The following ANTXR2 variants were observed in gnomAD, a reference collection of about 807,000 sequenced individuals.
ANTXR2 encodes the protein anthrax toxin receptor 2.
In ANTXR2, 44 loss-of-function variants were observed where a neutral mutation model predicts 73.7. That is an observed-to-expected ratio of 0.60 (90% CI 0.47 to 0.77). The LOEUF (loss-of-function observed/expected upper bound fraction) is 0.77, where lower values mean the gene tolerates loss of function less well. Ranked by LOEUF, ANTXR2 falls within the 30% of genes least tolerant of loss-of-function variation. ANTXR2 has a pLI of 0.00. For synonymous variants in ANTXR2, 217 were observed against 205.9 expected (o/e 1.05, Z -0.46); for missense variants, 604 against 592.5 (o/e 1.02, Z -0.20).
At chr4:80,071,459 G>T (rs1040189399) in intron 2 of ANTXR2, 124 bp downstream of exon 2, 90 of 768,692 alleles carry the variant, frequency 1.2e-4, no homozygotes, top group Non-Finnish European at 1.7e-4. Context: ...TGTGCAATAC[G>T]ACCTTGAGGC....
intron 16 of ANTXR2, among the ~76,000 whole-genome samples, chr4:79,907,764 A>T (rs1726977669): frequency 6.6e-6 from 1 of 152,200 alleles, no homozygotes; most frequent in Non-Finnish European, 1.5e-5. Context: ...CCATAAAAAT[A>T]TCAAAGCCAC....
In ANTXR2 at chr4:79,902,629, A is replaced by C. The variant is rs1726749813; in HGVS notation, c.*4800T>G. On this transcript the variant is annotated 3_prime_UTR_variant, in exon 17 of 17. Transcript: ENST00000403729. ...CCCATCTTTTTAGAGATTTCATCAG[A>C]TATAAACTGTAAGTTTCCTCTTTGA... 1 of 152,168 alleles carries C rather than the reference A, an allele frequency of 6.6e-6. No individual in the cohort carries two copies. Among genetic ancestry groups the C allele is most frequent in the Non-Finnish European group, 1.5e-5 (1 of 68,028 alleles). 9.4% of individuals were successfully genotyped at this position (152,168 alleles called of 1,614,324 possible).
chr4:79,924,941 A>C (rs1190116379), intron 16 of ANTXR2, among the ~76,000 whole-genome samples: 4 of 152,170 alleles, frequency 2.6e-5, no homozygotes, highest in Admixed American at 2.6e-4. Flanking sequence ...TACAGATAGA[A>C]AAGCTATATG....
At chr4:80,005,367 AATAG>A (rs1215155738) in intron 12 of ANTXR2, among the ~76,000 whole-genome samples, 2 of 152,184 alleles carry the variant, frequency 1.3e-5, no homozygotes, top group South Asian at 2.1e-4. Flanking sequence ...CACGCTGATA[AATAG>A]ATAAATTTCA....
intron 12 of ANTXR2, among the ~76,000 whole-genome samples, chr4:79,989,419 T>C (rs909514959): frequency 6.6e-6 from 1 of 151,966 alleles, no homozygotes. Context: ...AAACATACAC[T>C]TCTGAAGATT....
Position 80,072,683 on chromosome 4 carries a change from C to T in ANTXR2, c.-123G>A. 7.5e-7 allele frequency: 1 copy of T among 1,339,954 alleles called. No homozygotes were observed. The highest frequency in any genetic ancestry group is 3.1e-5 in the East Asian group (1 of 32,200). The allele number at this position is 1,339,954 out of a possible 1,614,324, so 83.0% of individuals were successfully genotyped here. ...TGGGGGGCGGCGAGCAGCTGAGACG[C>T]CGGCGCCTGCGGCAGCGGGACCCAC... is the stretch of plus-strand genomic sequence containing the variant. On this transcript the variant is annotated 5_prime_UTR_variant, in exon 1 of 17. Coordinates refer to ENST00000403729, the MANE Select transcript of ANTXR2 (RefSeq NM_058172.6).
intron 16 of ANTXR2, among the ~76,000 whole-genome samples, chr4:79,937,816 G>A (rs975177422): frequency 6.7e-6 from 1 of 149,626 alleles, no homozygotes; most frequent in South Asian, 2.2e-4. Flanking sequence ...CTGAGGTACC[G>A]GGTTCATCTC....
At chr4:80,016,913 C>G (rs887969990) in intron 11 of ANTXR2, among the ~76,000 whole-genome samples, 1 of 152,224 alleles carries the variant, frequency 6.6e-6, no homozygotes, top group African/African-American at 2.4e-5. Context: ...TTTGATCACC[C>G]CAGTGGGGCT....
chr4:79,997,867 C>T (rs558288178), intron 12 of ANTXR2, among the ~76,000 whole-genome samples: 1 of 151,978 alleles, frequency 6.6e-6, no homozygotes, highest in Admixed American at 6.6e-5. Context: ...GATGCTCTGT[C>T]GGAAAGCATC....
chr4:80,072,663 G>T lies in ANTXR2; in HGVS notation c.-103C>A. ...ACCCGGCACGCACTCTGGGGTGGGGGGCGGCGAGCAGCTGAGACGCCGGCG... is the reference window on the plus strand; with the variant it reads ...ACCCGGCACGCACTCTGGGGTGGGGTGCGGCGAGCAGCTGAGACGCCGGCG... On this transcript the variant is annotated 5_prime_UTR_variant, in exon 1 of 17. Coordinates refer to ENST00000403729, the MANE Select transcript of ANTXR2 (RefSeq NM_058172.6). 7.5e-7 allele frequency: 1 copy of T among 1,339,464 alleles called. No homozygotes were observed. The highest frequency in any genetic ancestry group is 9.5e-7 in the Non-Finnish European group (1 of 1,048,724). The allele number at this position is 1,339,464 out of a possible 1,614,324, so 83.0% of individuals were successfully genotyped here.
At position 79,903,813 on chromosome 4, in the gene ANTXR2, T is replaced by C. The variant is rs745753842; in HGVS notation, c.*3616A>G. 6.6e-6 allele frequency: 1 copy of C among 152,206 alleles called. No homozygotes were observed. Among genetic ancestry groups the C allele is most frequent in the Admixed American group, 6.6e-5 (1 of 15,252 alleles). The allele number at this position is 152,206 out of a possible 1,614,324, so 9.4% of individuals were successfully genotyped here. A position where few individuals can be genotyped will look rare whatever the true frequency, so the allele number is the denominator to read the frequency against. On this transcript the variant is annotated 3_prime_UTR_variant, in exon 17 of 17. Coordinates refer to ENST00000403729, the MANE Select transcript of ANTXR2 (RefSeq NM_058172.6). ...AGAGTTATTCTATGTTTCTAGATTA[T>C]GTATTTCCTTTCATATTGAAATGAT... is the stretch of plus-strand genomic sequence containing the variant.
At chr4:80,071,708 A>C (rs1734794953) in intron 1 of ANTXR2, 54 bp from the exon 2 acceptor site, 3 of 1,427,550 alleles carry the variant, frequency 2.1e-6, no homozygotes, top group Non-Finnish European at 2.0e-6. Flanking sequence ...CTGAAAAGTA[A>C]ACATTTTGAA....
chr4:80,036,322 AATAG>A (rs1732956803), intron 7 of ANTXR2, among the ~76,000 whole-genome samples: 1 of 152,154 alleles, frequency 6.6e-6, no homozygotes, highest in Non-Finnish European at 1.5e-5. Flanking sequence ...CTTGGGTATG[AATAG>A]ATAACTAAAA....
At chr4:80,021,770 A>AAAAAAC (rs1209824267) in intron 10 of ANTXR2, among the ~76,000 whole-genome samples, 1 of 152,172 alleles carries the variant, frequency 6.6e-6, no homozygotes, top group East Asian at 1.9e-4. Context: ...TGGTGTAAAA[A>AAAAAAC]AAAAACAAAA....
At position 80,031,613 on chromosome 4, in the gene ANTXR2, A is replaced by T; in HGVS notation, c.866+10T>A. 1 of 1,479,974 alleles carries T rather than the reference A, an allele frequency of 6.8e-7. No homozygotes were observed. Among genetic ancestry groups the T allele is most frequent in the Non-Finnish European group, 9.0e-7 (1 of 1,115,090 alleles). 91.7% of individuals were successfully genotyped at this position (1,479,974 alleles called of 1,614,324 possible). On this transcript the variant is annotated intron_variant, in intron 10 of 16. Transcript: ENST00000403729. ...AAATGTTATAAAATTGTTTTAAATT[A>T]AGTACTTACTCTCCAGCTTTATTCA...
chr4:80,051,090 A>T (rs549377372), intron 7 of ANTXR2, among the ~76,000 whole-genome samples: 38 of 151,708 alleles, frequency 2.5e-4, no homozygotes, highest in African/African-American at 8.7e-4. Flanking sequence ...AATCTATCCC[A>T]ATTGTCAGAG....
chr4:79,977,496 A>G, intron 16 of ANTXR2, 125 bp downstream of exon 16: 3 of 1,479,718 alleles, frequency 2.0e-6, no homozygotes, highest in Non-Finnish European at 2.7e-6. Flanking sequence ...AGAAATCTAC[A>G]CTTGACAGTA....
chr4:80,047,206 TA>T (rs1217392677), intron 7 of ANTXR2, among the ~76,000 whole-genome samples: 8 of 151,228 alleles, frequency 5.3e-5, no homozygotes, highest in Non-Finnish European at 8.9e-5. Context: ...AAATTTTTTT[TA>T]AAAAAAAGAA....
chr4:79,916,122 T>G (rs1279752213), intron 16 of ANTXR2, among the ~76,000 whole-genome samples: 1 of 151,914 alleles, frequency 6.6e-6, no homozygotes, highest in Non-Finnish European at 1.5e-5. Flanking sequence ...CCTGCAAAAT[T>G]TCAGTGACTC....
Sources: allele counts gnomAD v4.1 joint callset (sites outside exome capture counted in the v4.1 genomes callset), GRCh38; gene constraint gnomAD v4.1.1; transcripts MANE v1.5; gene names NCBI Gene and HGNC (gene_info 2026-07-23, HGNC 2026-07-21).